NOTUM: variants seen among roughly 807,000 people sequenced by gnomAD.
NOTUM encodes the protein palmitoleoyl-protein carboxylesterase NOTUM.
In NOTUM, 36 loss-of-function variants were observed where a neutral mutation model predicts 65.5. The observed-to-expected ratio is 0.55, with a 90% CI of 0.42 to 0.73. The LOEUF (loss-of-function observed/expected upper bound fraction) is 0.73, where lower values mean the gene tolerates loss of function less well. Among genes scored for constraint, NOTUM ranks in the 30% least tolerant of loss-of-function variants. The probability of loss-of-function intolerance (pLI) is 0.00; values close to 1 mark genes in which losing one functional copy is unlikely to be tolerated. For synonymous variants in NOTUM, 356 were observed against 297.9 expected, an observed-to-expected ratio of 1.20 and a Z score of -2.01; for missense variants, 659 against 694.2, an observed-to-expected ratio of 0.95 and a Z score of 0.57.
At chr17:81,958,094 C>T (rs887223092) in intron 5 of NOTUM, among the ~76,000 whole-genome samples, 186 bp from the exon 6 acceptor site, 1 of 152,168 alleles carries the variant, frequency 6.6e-6, no homozygotes, top group East Asian at 1.9e-4. Context: ...GGCCTCCTCC[C>T]CAGGGAATAT....
Position 81,960,957 on chromosome 17 carries a change from G to A in NOTUM, c.-48C>T, listed in dbSNP as rs185864818. On this transcript the variant is annotated 5_prime_UTR_variant, in exon 1 of 11. Coordinates refer to ENST00000409678, the MANE Select transcript of NOTUM (RefSeq NM_178493.6). This position sits in a 1 kb window ranked among gnomAD's most constrained non-coding sequence, Gnocchi z 6.4. ...CGGGCGGCCTTGAGGCGGCGGCGGC[G>A]GCGGCGGGGGATGCCGGGCCGGGGG... 73,314 of 1,111,298 alleles carry A rather than the reference G, an allele frequency of 0.066. 2,679 individuals are homozygous for A. The highest frequency in any genetic ancestry group is 0.084 in the Middle Eastern group (239 of 2,838). 68.8% of individuals were successfully genotyped at this position (1,111,298 alleles called of 1,614,324 possible). A position where few individuals can be genotyped will look rare whatever the true frequency, so the allele number is the denominator to read the frequency against.
Position 81,960,904 on chromosome 17 carries a change from G to T in NOTUM, c.6C>A (p.Gly2=), listed in dbSNP as rs1266371423. Residue 2 remains glycine (G), a synonymous_variant, in exon 1 of 11, where the codon GGC becomes GGA. Transcript: ENST00000409678. This position sits in a 1 kb window ranked among gnomAD's most constrained non-coding sequence, Gnocchi z 6.4. M[G]RGVRVLLLLS... is the part of the protein sequence containing the mutation. ...GCAGCAGCAGCACGCGCACCCCTCG[G>T]CCCATGGCCGCGTCCACCTGCGGGG... is the stretch of plus-strand genomic sequence containing the variant. The T allele has an allele frequency of 8.0e-7, 1 of 1,253,166 alleles. No homozygotes were observed. Among genetic ancestry groups the T allele is most frequent in the Non-Finnish European group, 1.0e-6 (1 of 999,150 alleles). The allele number at this position is 1,253,166 out of a possible 1,614,324, so 77.6% of individuals were successfully genotyped here. A position where few individuals can be genotyped will look rare whatever the true frequency, so the allele number is the denominator to read the frequency against.
rs1264609707 is a variant in NOTUM at position 81,960,319 on chromosome 17, G to C, written c.323+268C>G. On this transcript the variant is annotated intron_variant, in intron 1 of 10. Transcript: ENST00000409678. This position sits in a 1 kb window ranked among gnomAD's most constrained non-coding sequence, Gnocchi z 6.4. Reference sequence around the variant, plus strand: ...CGCGCTCTCGGGCTGCCATCTCCCCGCCCCGGGACCGAAGGACGCCAGCAG... The same window carrying C: ...CGCGCTCTCGGGCTGCCATCTCCCCCCCCCGGGACCGAAGGACGCCAGCAG... Among the ~76,000 whole-genome samples the C allele has an allele frequency of 6.6e-6, 1 of 152,210 alleles. No homozygotes were observed. Among genetic ancestry groups the C allele is most frequent in the African/African-American group, 2.4e-5 (1 of 41,454 alleles).
chr17:81,956,826 C>G (rs2041437031), intron 7 of NOTUM, 57 bp downstream of exon 7: 3 of 1,595,198 alleles, frequency 1.9e-6, no homozygotes, highest in Non-Finnish European at 2.6e-6. Flanking sequence ...GCCACTCCAC[C>G]CAGGCCCTTC....
At chr17:81,959,782 C>T in intron 1 of NOTUM, 90 bp from the exon 2 acceptor site, 1 of 718,980 alleles carries the variant, frequency 1.4e-6, no homozygotes, top group Non-Finnish European at 1.9e-6. Context: ...GAACGCGCCA[C>T]CTGTTCCGGC....
chr17:81,952,791 A>G lies in NOTUM; in HGVS notation c.*170T>C. On this transcript the variant is annotated 3_prime_UTR_variant, in exon 11 of 11. Transcript: ENST00000409678. Reference sequence around the variant, plus strand: ...CCCTTGTCTCTGGCTGGGCTGTGGGAGAGGGGCAGGGAAAGCCGGGGCAGG... The same window carrying G: ...CCCTTGTCTCTGGCTGGGCTGTGGGGGAGGGGCAGGGAAAGCCGGGGCAGG... 1.6e-6 allele frequency: 1 copy of G among 627,766 alleles called. No individual in the cohort carries two copies. The highest frequency in any genetic ancestry group is 2.8e-6 in the Non-Finnish European group (1 of 355,812). 38.9% of individuals were successfully genotyped at this position (627,766 alleles called of 1,614,324 possible).
intron 10 of NOTUM, 136 bp downstream of exon 10, chr17:81,954,120 C>G: frequency 1.5e-6 from 1 of 648,046 alleles, no homozygotes. Context: ...ACAAGTGGCT[C>G]TGGCACCCCT....
intron 9 of NOTUM, 112 bp from the exon 10 acceptor site, chr17:81,954,415 G>A: frequency 1.4e-6 from 1 of 720,778 alleles, no homozygotes; most frequent in South Asian, 1.8e-5. Context: ...CTGTTGCTAT[G>A]GCTGCCAGCT....
chr17:81,959,655 G>C lies in NOTUM; in HGVS notation c.361C>G (p.Leu121Val). The C allele has an allele frequency of 6.5e-7, 1 of 1,543,652 alleles. No individual in the cohort carries two copies. The highest frequency in any genetic ancestry group is 1.4e-5 in the African/African-American group (1 of 72,334). Residue 121 changes from leucine (L) to valine (V), a missense_variant, in exon 2 of 11, where the codon CTC (leucine) becomes GTC (valine). Coordinates refer to ENST00000409678, the MANE Select transcript of NOTUM (RefSeq NM_178493.6). ...LKESRGSRRWLLFLEGGWYCF... is the reference protein window; with the variant it reads ...LKESRGSRRWVLFLEGGWYCF... ...CTGGACGCACCTTCCAGGAAGAGGA[G>C]CCACCGCCGGCTGCCCCTGGACTCC... is the stretch of plus-strand genomic sequence containing the variant.
At chr17:81,957,469 C>T (rs1468602218) in intron 6 of NOTUM, among the ~76,000 whole-genome samples, 2 of 152,122 alleles carry the variant, frequency 1.3e-5, no homozygotes, top group South Asian at 2.1e-4. Flanking sequence ...TCCTCATCTA[C>T]CGGGCCCTGG....
intron 7 of NOTUM, 23 bp downstream of exon 7, chr17:81,956,860 A>G: frequency 6.2e-7 from 1 of 1,603,678 alleles, no homozygotes; most frequent in Non-Finnish European, 8.5e-7. Flanking sequence ...CAGCACGAGG[A>G]CGGGCCCTCC....
Position 81,958,929 on chromosome 17 carries a change from C to G in NOTUM, c.533+6G>C. 6.2e-7 allele frequency: 1 copy of G among 1,611,130 alleles called. No individual in the cohort carries two copies. The highest frequency in any genetic ancestry group is 8.5e-7 in the Non-Finnish European group (1 of 1,177,944). On this transcript the variant is annotated splice_donor_region_variant and intron_variant, in intron 4 of 10. Coordinates refer to ENST00000409678, the MANE Select transcript of NOTUM (RefSeq NM_178493.6). Reference sequence around the variant, plus strand: ...GACTCCCAGGCAAGACCCTGTGCCCCCTTACACCATGTTTGCGTTCCACCA... The same window carrying G: ...GACTCCCAGGCAAGACCCTGTGCCCGCTTACACCATGTTTGCGTTCCACCA...
chr17:81,954,949 CT>C lies in NOTUM; in HGVS notation c.1136+447del, dbSNP rs1472215483. Among the ~76,000 whole-genome samples, 6 of 115,200 alleles carry C rather than the reference CT, an allele frequency of 5.2e-5. No individual in the cohort carries two copies. In the South Asian group the frequency reaches 7.7e-4, roughly 15 times the overall value. 75.6% of individuals were successfully genotyped at this position (115,200 alleles called of 152,430 possible). A position where few individuals can be genotyped will look rare whatever the true frequency, so the allele number is the denominator to read the frequency against. ...GATCTCGATCTCTCTCTCTCTCTCT[CT>C]CTCTCTCTCCTCTCTCTCTTTCTCT... is the stretch of plus-strand genomic sequence containing the variant. On this transcript the variant is annotated intron_variant, in intron 9 of 10. Transcript: ENST00000409678.
chr17:81,960,735 C>G lies in NOTUM; in HGVS notation c.175G>C (p.Val59Leu), dbSNP rs770214661. 56 of 1,600,586 alleles carry G rather than the reference C, an allele frequency of 3.5e-5. No homozygotes were observed. In the Admixed American group the frequency reaches 9.6e-4, roughly 27 times the overall value. The change falls in exon 1 of 11, where the codon GTG becomes CTG. Residue 59 changes from valine (V) to leucine (L), a missense_variant. Transcript: ENST00000409678. This position sits in a 1 kb window ranked among gnomAD's most constrained non-coding sequence, Gnocchi z 6.4. Reference protein sequence around the residue: ...VESFPLDFTAVEGNMDSFMAQ... With the variant: ...VESFPLDFTALEGNMDSFMAQ... ...ATGAAGCTGTCCATGTTACCCTCCA[C>G]GGCCGTGAAGTCCAGCGGGAAGCTC...
rs1036863166 is a variant in NOTUM at position 81,959,633 on chromosome 17, G to A, written c.376+7C>T. 8.4e-6 allele frequency: 13 copies of A among 1,545,170 alleles called. No individual in the cohort carries two copies. The highest frequency in any genetic ancestry group is 2.8e-5 in the African/African-American group (2 of 72,436). On this transcript the variant is annotated splice_region_variant and intron_variant, in intron 2 of 10. Coordinates refer to ENST00000409678, the MANE Select transcript of NOTUM (RefSeq NM_178493.6). Reference sequence around the variant, plus strand: ...CCGGCCTCCCCCCGCCTCAGCCCTGGACGCACCTTCCAGGAAGAGGAGCCA... The same window carrying A: ...CCGGCCTCCCCCCGCCTCAGCCCTGAACGCACCTTCCAGGAAGAGGAGCCA...
At position 81,953,009 on chromosome 17, in the gene NOTUM, C is replaced by G. The variant is rs2041398995; in HGVS notation, c.1443G>C (p.Gln481His). ...GFDMQTVAQP[Q>H]GLEPSELLGM... ...CCAGCAGCTCACTGGGCTCCAGTCCCTGCGGCTGGGCCACCGTCTGCATGT... is the reference window on the plus strand; with the variant it reads ...CCAGCAGCTCACTGGGCTCCAGTCCGTGCGGCTGGGCCACCGTCTGCATGT... The change falls in exon 11 of 11, where the codon CAG (glutamine) becomes CAC (histidine). Residue 481 changes from glutamine to histidine, a missense_variant. Coordinates refer to ENST00000409678, the MANE Select transcript of NOTUM (RefSeq NM_178493.6). 6.2e-7 allele frequency: 1 copy of G among 1,614,058 alleles called. No individual in the cohort carries two copies. Among genetic ancestry groups the G allele is most frequent in the Non-Finnish European group, 8.5e-7 (1 of 1,180,014 alleles).
rs2041453955 is a variant in NOTUM, at chr17:81,958,971, G to A, written c.497C>T (p.Pro166Leu). Residue 166 changes from proline (P) to leucine (L), a missense_variant, in exon 4 of 11, where the codon CCG becomes CTG. Physicochemically the swap from Pro to Leu is moderately conservative, Grantham distance 98. Transcript: ENST00000409678. Reference protein sequence around the residue: ...RTGTGILSSQPEENPYWWNAN... With the variant: ...RTGTGILSSQLEENPYWWNAN... ...GTTCCACCAGTAGGGGTTCTCCTCC[G>A]GCTGTGAGGACAGGATCCCTGTGCC... 3 of 1,612,962 alleles carry A rather than the reference G, an allele frequency of 1.9e-6. No homozygotes were observed. The highest frequency in any genetic ancestry group is 1.1e-5 in the South Asian group (1 of 91,074).
In NOTUM at chr17:81,956,757, C is replaced by G. The variant is rs2041436474; in HGVS notation, c.888-7G>C. 1.9e-6 allele frequency: 3 copies of G among 1,610,850 alleles called. No homozygotes were observed. Among genetic ancestry groups the G allele is most frequent in the Non-Finnish European group, 2.5e-6 (3 of 1,178,686 alleles). On this transcript the variant is annotated splice_polypyrimidine_tract_variant and splice_region_variant and intron_variant, in intron 7 of 10. Coordinates refer to ENST00000409678, the MANE Select transcript of NOTUM (RefSeq NM_178493.6). ...GACCACCCCGTTCCAGTACCTGGAG[C>G]CACAGCCACAGGTTAGGCTGCCGTG... is the stretch of plus-strand genomic sequence containing the variant.
At position 81,960,362 on chromosome 17, in the gene NOTUM, G is replaced by A. The variant is rs1406015008; in HGVS notation, c.323+225C>T. The stretch of plus-strand genomic sequence containing the variant: ...GCCAGCAGAGCGGCTGGGCCCAGAG[G>A]CCGAGGGGTCAGTGCCCGAGCTGGC... On this transcript the variant is annotated intron_variant, in intron 1 of 10. Coordinates refer to ENST00000409678, the MANE Select transcript of NOTUM (RefSeq NM_178493.6). This position sits in a 1 kb window ranked among gnomAD's most constrained non-coding sequence, Gnocchi z 6.4. Among the ~76,000 whole-genome samples the A allele has an allele frequency of 6.6e-6, 1 of 152,224 alleles. No individual in the cohort carries two copies. Among genetic ancestry groups the A allele is most frequent in the Non-Finnish European group, 1.5e-5 (1 of 68,030 alleles).
Sources: gnomAD v4.1 joint callset for allele counts (sites outside exome capture counted in the v4.1 genomes callset) on GRCh38, gnomAD v4.1.1 for gene constraint, Gnocchi (gnomAD v3.1) non-coding constraint, MANE v1.5 for transcripts, NCBI Gene and HGNC (gene_info 2026-07-23, HGNC 2026-07-21) for gene names.